NID1: variants seen among roughly 807,000 people sequenced by gnomAD.
NID1 encodes nidogen 1, also known as nidogen-1.
A neutral mutation model predicts 130.6 loss-of-function variants in NID1; 76 were observed. The ratio of observed to expected loss-of-function variants is 0.58; its 90% CI spans 0.48 to 0.70. The LOEUF (loss-of-function observed/expected upper bound fraction) is 0.70, where lower values mean the gene tolerates loss of function less well. NID1 is among the 30% of genes least tolerant of loss of function. The pLI is 0.00. For missense variants in NID1, 1,517 were observed against 1,664.8 expected (o/e 0.91, Z 1.54); for synonymous variants, 665 against 675.1 (o/e 0.98, Z 0.23).
At chr1:235,985,066 G>A (rs886921035) in intron 15 of NID1, among the ~76,000 whole-genome samples, 3 of 151,958 alleles carry the variant, frequency 2.0e-5, no homozygotes, top group Non-Finnish European at 4.4e-5. Flanking sequence ...GGTGGCGGGC[G>A]ACTTTAGTCC....
chr1:236,012,221 G>A (rs115687832), intron 11 of NID1, among the ~76,000 whole-genome samples, 178 bp from the exon 12 acceptor site: 218 of 152,212 alleles, frequency 1.4e-3, no homozygotes, highest in African/African-American at 4.5e-3. Context: ...TCTATCTGTC[G>A]TACTTGCAAA....
intron 1 of NID1, among the ~76,000 whole-genome samples, chr1:236,063,889 T>C (rs1175432298): frequency 6.6e-6 from 1 of 152,234 alleles, no homozygotes; most frequent in East Asian, 1.9e-4. Context: ...GGGCTCTTTG[T>C]GGATCCAGAC....
chr1:236,042,102 A>T lies in NID1; in HGVS notation c.943T>A (p.Tyr315Asn). The change falls in exon 4 of 20, where the codon TAC (tyrosine) becomes AAC (asparagine). Residue 315 changes from tyrosine to asparagine, a missense_variant. Tyr to Asn is a moderately radical substitution (Grantham distance 143). Coordinates refer to ENST00000264187, the MANE Select transcript of NID1 (RefSeq NM_002508.3). ...GCACCTCCCCTTCTCAGAGCCTTGT[A>T]GGAGAAGGGCGTGGTGCCCACATCC... ...LEDVGTTPFS[Y>N]KALRRGGADT... The T allele has an allele frequency of 6.2e-7, 1 of 1,614,158 alleles. No homozygotes were observed. The highest frequency in any genetic ancestry group is 2.2e-5 in the East Asian group (1 of 44,886).
At chr1:236,017,038 C>T in intron 10 of NID1, 110 bp downstream of exon 10, 4 of 1,451,808 alleles carry the variant, frequency 2.8e-6, no homozygotes, top group Non-Finnish European at 3.8e-6. Flanking sequence ...TTGCTCTTCC[C>T]AGCACCTTCC....
Position 235,986,989 on chromosome 1 carries a change from T to C in NID1, c.2929-1484A>G, listed in dbSNP as rs565135135. Among the ~76,000 whole-genome samples, 34 of 152,008 alleles carry C rather than the reference T, an allele frequency of 2.2e-4. 2 individuals carry two copies. In the South Asian group the frequency reaches 7.1e-3, roughly 32 times the overall value. ...TTTCCTTCAGCAAACACGCCCAGAG[T>C]CCTTTTCCACACATTAGTTCTTACA... On this transcript the variant is annotated intron_variant, in intron 14 of 19. Transcript: ENST00000264187.
At chr1:236,055,585 G>T (rs1392442409) in intron 1 of NID1, among the ~76,000 whole-genome samples, 1 of 151,846 alleles carries the variant, frequency 6.6e-6, no homozygotes, top group East Asian at 1.9e-4. Flanking sequence ...AATCCGGGGG[G>T]TGGAGGTTGC....
Position 236,045,389 on chromosome 1 carries a change from T to C in NID1, c.752+68A>G, listed in dbSNP as rs10733132. ...AACATTTTTAGGTAATGATCTATAATACACATTACATTATCCACATTAAAA... is the reference window on the plus strand; with the variant it reads ...AACATTTTTAGGTAATGATCTATAACACACATTACATTATCCACATTAAAA... On this transcript the variant is annotated intron_variant, in intron 3 of 19. Transcript: ENST00000264187. 15,087 of 1,136,680 alleles carry C rather than the reference T, an allele frequency of 0.013. 141 individuals are homozygous for C. Among genetic ancestry groups the C allele is most frequent in the Non-Finnish European group, 0.017 (13,166 of 761,286 alleles). 70.4% of individuals were successfully genotyped at this position (1,136,680 alleles called of 1,614,324 possible).
At chr1:236,016,987 T>C (rs1445245768) in intron 10 of NID1, among the ~76,000 whole-genome samples, 161 bp downstream of exon 10, 1 of 152,236 alleles carries the variant, frequency 6.6e-6, no homozygotes, top group Non-Finnish European at 1.5e-5. Context: ...ACTCTCCAGA[T>C]AGTTGGAGGG....
intron 1 of NID1, among the ~76,000 whole-genome samples, chr1:236,049,469 A>C (rs1297979776): frequency 1.3e-5 from 2 of 150,392 alleles, no homozygotes; most frequent in Non-Finnish European, 3.0e-5. Context: ...GACAGGGTGA[A>C]CCCTTGTCTC....
chr1:236,049,407 G>A (rs1052433630), intron 1 of NID1, among the ~76,000 whole-genome samples: 1 of 152,068 alleles, frequency 6.6e-6, no homozygotes, highest in African/African-American at 2.4e-5. Context: ...TAAGCCCCGG[G>A]AGGTCAAAGC....
chr1:236,027,305 C>T (rs564438450), intron 7 of NID1, among the ~76,000 whole-genome samples: 1 of 152,170 alleles, frequency 6.6e-6, no homozygotes, highest in African/African-American at 2.4e-5. Context: ...GCAGTTTGCT[C>T]CATAATAGAA....
chr1:236,028,486 C>T (rs1053567907), intron 7 of NID1, among the ~76,000 whole-genome samples: 4 of 152,046 alleles, frequency 2.6e-5, no homozygotes, highest in African/African-American at 7.2e-5. Flanking sequence ...CCAGCTTGGG[C>T]GACAGAGTGA....
chr1:236,021,976 C>T (rs191315597), intron 9 of NID1, among the ~76,000 whole-genome samples: 496 of 152,264 alleles, frequency 3.3e-3, no homozygotes, highest in Middle Eastern at 6.8e-3. Context: ...CTATATTTGT[C>T]ACGGCTCACT....
Position 236,043,614 on chromosome 1 carries a change from T to C in NID1, c.753-1322A>G, listed in dbSNP as rs572543074. ...GAGATCGAGACCATCCTGGCTAACA[T>C]GGTGAAACCCCGTCTCTACTAAAAA... On this transcript the variant is annotated intron_variant, in intron 3 of 19. Transcript: ENST00000264187. Among the ~76,000 whole-genome samples, 41 of 152,070 alleles carry C rather than the reference T, an allele frequency of 2.7e-4. No homozygotes were observed. The East Asian group carries it at 4.8e-3, about 18-fold the overall frequency.
rs1657249144 is a variant in NID1, at chr1:235,976,321, A to G, written c.*1546T>C. On this transcript the variant is annotated 3_prime_UTR_variant, in exon 20 of 20. Coordinates refer to ENST00000264187, the MANE Select transcript of NID1 (RefSeq NM_002508.3). ...AGGAGAGACTCTTTTCCCCAAAGAG[A>G]GTATCAGGCAAATTCTTCCATGTTC... 6.6e-6 allele frequency: 1 copy of G among 152,194 alleles called. No individual in the cohort carries two copies. Among genetic ancestry groups the G allele is most frequent in the Non-Finnish European group, 1.5e-5 (1 of 68,038 alleles). 9.4% of individuals were successfully genotyped at this position (152,194 alleles called of 1,614,324 possible). A position where few individuals can be genotyped will look rare whatever the true frequency, so the allele number is the denominator to read the frequency against.
At chr1:236,053,679 T>C (rs775339369) in intron 1 of NID1, among the ~76,000 whole-genome samples, 22 of 152,194 alleles carry the variant, frequency 1.4e-4, no homozygotes, top group Non-Finnish European at 2.9e-4. Context: ...TTCTTCACGG[T>C]CAGGGACTCC....
intron 7 of NID1, 36 bp downstream of exon 7, chr1:236,029,514 G>A: frequency 6.5e-7 from 1 of 1,542,232 alleles, no homozygotes; most frequent in Non-Finnish European, 8.8e-7. Context: ...CTAGTGGCCG[G>A]TCTGGGGCTG....
chr1:236,064,230 C>T (rs1299335343), intron 1 of NID1, among the ~76,000 whole-genome samples: 1 of 152,200 alleles, frequency 6.6e-6, no homozygotes, highest in East Asian at 1.9e-4. Context: ...TCGTTTGGGG[C>T]CTCCGTGGTG....
At chr1:236,046,561 A>G (rs1488227439) in intron 2 of NID1, among the ~76,000 whole-genome samples, 2 of 151,904 alleles carry the variant, frequency 1.3e-5, no homozygotes, top group African/African-American at 4.8e-5. Context: ...GGTCAGGGAG[A>G]GGACGTCCCA....
Sources: allele counts gnomAD v4.1 joint callset (sites outside exome capture counted in the v4.1 genomes callset), GRCh38; gene constraint gnomAD v4.1.1; transcripts MANE v1.5; gene names NCBI Gene and HGNC (gene_info 2026-07-23, HGNC 2026-07-21).